Variants in RORA observed in about 807,000 individuals in gnomAD.
RORA encodes the protein RAR related orphan receptor A.
RORA carries 7 observed loss-of-function variants against 69.5 expected under a neutral mutation model. That is an observed-to-expected ratio of 0.10 (90% CI 0.06 to 0.19). The LOEUF is 0.19. Ranked by LOEUF, RORA falls within the 10% of genes least tolerant of loss-of-function variation. RORA has a pLI of 1.00. For synonymous variants in RORA, 261 were observed against 240.8 expected, an observed-to-expected ratio of 1.08 and a Z score of -0.78; for missense variants, 457 against 663.0, an observed-to-expected ratio of 0.69 and a Z score of 3.41.
intron 1 of RORA, among the ~76,000 whole-genome samples, chr15:60,861,185 C>T (rs1048835952): frequency 6.6e-6 from 1 of 152,168 alleles, no homozygotes; most frequent in African/African-American, 2.4e-5. Context: ...GGAAATCACA[C>T]ATGTAGGTCC....
chr15:60,507,251 T>G (rs1159121826), intron 5 of RORA, among the ~76,000 whole-genome samples: 2 of 152,314 alleles, frequency 1.3e-5, no homozygotes, highest in East Asian at 3.9e-4. Context: ...GGGTTTTGAG[T>G]ATAGAATAGG....
At chr15:60,854,586 T>C (rs2073361027) in intron 1 of RORA, among the ~76,000 whole-genome samples, 1 of 152,218 alleles carries the variant, frequency 6.6e-6, no homozygotes, top group East Asian at 1.9e-4. Flanking sequence ...TATGGCTGAA[T>C]ATGGCCTTTA....
At chr15:60,694,368 G>A (rs2070871960) in intron 1 of RORA, among the ~76,000 whole-genome samples, 1 of 152,178 alleles carries the variant, frequency 6.6e-6, no homozygotes. Context: ...AAAAAGCACG[G>A]AAGATGAGCA....
At chr15:60,580,940 T>C (rs912221925) in intron 2 of RORA, among the ~76,000 whole-genome samples, 6 of 152,228 alleles carry the variant, frequency 3.9e-5, no homozygotes, top group African/African-American at 1.4e-4. Context: ...AATCCTTAAA[T>C]ACATGTTTTC....
At chr15:60,598,603 A>G (rs2068748766) in intron 2 of RORA, 1 of 152,240 alleles carries the variant, frequency 6.6e-6, no homozygotes, top group African/African-American at 2.4e-5. Context: ...TATAATACAT[A>G]TAACATACAA....
At chr15:60,970,491 A>C (rs922162739) in intron 1 of RORA, among the ~76,000 whole-genome samples, 4 of 152,194 alleles carry the variant, frequency 2.6e-5, no homozygotes, top group African/African-American at 9.7e-5. Context: ...CCTCGTTTCA[A>C]GTCCAAAGCC....
intron 1 of RORA, among the ~76,000 whole-genome samples, chr15:61,029,919 G>T (rs748144107): frequency 6.6e-6 from 1 of 152,126 alleles, no homozygotes; most frequent in Non-Finnish European, 1.5e-5. Context: ...GGGATCTGTG[G>T]CTCACCTAAA....
intron 5 of RORA, among the ~76,000 whole-genome samples, chr15:60,509,399 G>A (rs2065618678): frequency 6.6e-6 from 1 of 152,182 alleles, no homozygotes; most frequent in African/African-American, 2.4e-5. Context: ...AGCATGAGGG[G>A]GCAGGGCTCC....
chr15:60,601,800 G>A (rs1361826571), intron 2 of RORA, among the ~76,000 whole-genome samples: 3 of 152,034 alleles, frequency 2.0e-5, no homozygotes, highest in African/African-American at 7.2e-5. Flanking sequence ...TGTTATCTAC[G>A]TTTATTAAGT....
intron 1 of RORA, among the ~76,000 whole-genome samples, chr15:60,956,792 C>T (rs1893278608): frequency 6.6e-6 from 1 of 152,316 alleles, no homozygotes; most frequent in African/African-American, 2.4e-5. Context: ...TAGGCCCCCT[C>T]ATCCTTTCAA....
At chr15:61,218,693 C>CACACA (rs1364771965) in intron 1 of RORA, among the ~76,000 whole-genome samples, 1 of 151,770 alleles carries the variant, frequency 6.6e-6, no homozygotes, top group Admixed American at 6.6e-5. Flanking sequence ...CACACACACA[C>CACACA]ACACACACAC....
rs1257366423 is a variant in RORA at position 60,905,021 on chromosome 15, G to C, written c.167-226335C>G. The stretch of plus-strand genomic sequence containing the variant: ...TGAGGTTGGGATGAGCTGCATGAAG[G>C]ACTGCATTACCTGAACAAACGGGTG... On this transcript the variant is annotated intron_variant, in intron 1 of 10. Coordinates refer to ENST00000335670, the MANE Select transcript of RORA (RefSeq NM_134261.3). This position sits in a 1 kb window ranked among gnomAD's most constrained non-coding sequence, Gnocchi z 4.8. Among the ~76,000 whole-genome samples, 1 of 152,160 alleles carries C rather than the reference G, an allele frequency of 6.6e-6. No individual in the cohort carries two copies.
At chr15:61,055,496 C>G (rs1440793210) in intron 1 of RORA, among the ~76,000 whole-genome samples, 7 of 152,192 alleles carry the variant, frequency 4.6e-5, no homozygotes, top group Admixed American at 4.6e-4. Flanking sequence ...TACCGTCTCT[C>G]CCGCCCCTAC....
At chr15:60,908,108 C>G (rs1006557286) in intron 1 of RORA, among the ~76,000 whole-genome samples, 2 of 152,186 alleles carry the variant, frequency 1.3e-5, no homozygotes, top group Non-Finnish European at 2.9e-5. Context: ...CCATAGCTCA[C>G]CCAGGGCATG....
intron 2 of RORA, among the ~76,000 whole-genome samples, chr15:60,572,340 T>C (rs989231573): frequency 6.6e-6 from 1 of 152,076 alleles, no homozygotes; most frequent in Non-Finnish European, 1.5e-5. Context: ...TACCAGAAAA[T>C]GGGCATCATC....
At chr15:61,220,229 T>C (rs2080082302) in intron 1 of RORA, among the ~76,000 whole-genome samples, 1 of 152,250 alleles carries the variant, frequency 6.6e-6, no homozygotes, top group Non-Finnish European at 1.5e-5. Context: ...GCTTTCCCAA[T>C]GCTTCATTAC....
chr15:60,584,088 A>T (rs2068264085), intron 2 of RORA, among the ~76,000 whole-genome samples: 1 of 152,200 alleles, frequency 6.6e-6, no homozygotes, highest in African/African-American at 2.4e-5. Flanking sequence ...TCTGCGGTCC[A>T]CCTGGCTCTG....
chr15:60,627,090 G>T (rs1474891528), intron 2 of RORA: 3 of 723,430 alleles, frequency 4.1e-6, no homozygotes, highest in Non-Finnish European at 6.8e-6. Flanking sequence ...GTGGCTGAAG[G>T]GTAACAGTCC....
intron 1 of RORA, among the ~76,000 whole-genome samples, chr15:60,904,951 A>G (rs775948269): frequency 1.4e-4 from 22 of 152,302 alleles, no homozygotes; most frequent in Middle Eastern, 6.8e-3. Context: ...ATTAATTCCA[A>G]AACACATATA....
Sources: gnomAD v4.1 joint callset for allele counts (sites outside exome capture counted in the v4.1 genomes callset) on GRCh38, gnomAD v4.1.1 for gene constraint, Gnocchi (gnomAD v3.1) non-coding constraint, MANE v1.5 for transcripts, NCBI Gene and HGNC (gene_info 2026-07-23, HGNC 2026-07-21) for gene names.